Variants in GMDS observed in about 807,000 individuals in gnomAD.
The protein encoded by GMDS is GDP-mannose 4,6-dehydratase, also known as GDP-mannose 4,6 dehydratase.
GMDS carries 20 observed loss-of-function variants against 49.9 expected under a neutral mutation model. The ratio of observed to expected loss-of-function variants is 0.40; its 90% CI spans 0.28 to 0.58. GMDS has a LOEUF of 0.58. Among genes scored for constraint, GMDS ranks in the 20% least tolerant of loss-of-function variants. GMDS has a pLI of 0.42. For missense variants in GMDS, 362 were observed against 481.4 expected, an observed-to-expected ratio of 0.75 and a Z score of 2.32; for synonymous variants, 177 against 178.6, an observed-to-expected ratio of 0.99 and a Z score of 0.07.
intron 4 of GMDS, among the ~76,000 whole-genome samples, chr6:1,998,436 G>A (rs756480515): frequency 6.6e-6 from 1 of 152,072 alleles, no homozygotes; most frequent in Non-Finnish European, 1.5e-5. Flanking sequence ...AAGGGACAGG[G>A]AAGGCAATTC....
chr6:2,241,627 C>T (rs763133548), intron 1 of GMDS, among the ~76,000 whole-genome samples: 5 of 152,068 alleles, frequency 3.3e-5, no homozygotes, highest in East Asian at 1.9e-4. Flanking sequence ...CCGCTAGAGC[C>T]GGTTGTTAAA....
At chr6:2,051,037 A>T (rs1287608900) in intron 4 of GMDS, among the ~76,000 whole-genome samples, 1 of 152,174 alleles carries the variant, frequency 6.6e-6, no homozygotes, top group Admixed American at 6.5e-5. Flanking sequence ...TAACAAACCA[A>T]CATGGCACAT....
At chr6:1,644,229 CT>C (rs1278704731) in intron 9 of GMDS, among the ~76,000 whole-genome samples, 19 of 152,182 alleles carry the variant, frequency 1.2e-4, no homozygotes, top group South Asian at 4.1e-4. Context: ...GGGGAGACCC[CT>C]GATTCCACCC....
chr6:1,638,944 A>G (rs775764516), intron 9 of GMDS, among the ~76,000 whole-genome samples: 2 of 152,186 alleles, frequency 1.3e-5, no homozygotes, highest in Non-Finnish European at 2.9e-5. Flanking sequence ...TGCAGAAAGA[A>G]AGAGACACCT....
chr6:2,116,539 T>G (rs1774859885), intron 3 of GMDS, among the ~76,000 whole-genome samples: 3 of 152,204 alleles, frequency 2.0e-5, no homozygotes. Context: ...TTCTGAACTT[T>G]GCACAAAAAC....
chr6:2,033,737 C>T (rs375825943), intron 4 of GMDS, among the ~76,000 whole-genome samples: 1 of 152,156 alleles, frequency 6.6e-6, no homozygotes, highest in African/African-American at 2.4e-5. Context: ...CGTTCCTAAA[C>T]TAAGTTGCAC....
intron 7 of GMDS, among the ~76,000 whole-genome samples, chr6:1,912,174 T>A (rs142367316): frequency 0.019 from 2,879 of 152,186 alleles, 100 homozygotes; most frequent in African/African-American, 0.065. Context: ...GAGACCAGCC[T>A]GGCCAAAACA....
chr6:2,175,429 AAAGTTACTATGTAAAAACTGTT>A (rs1778231707), intron 1 of GMDS, among the ~76,000 whole-genome samples: 1 of 152,226 alleles, frequency 6.6e-6, no homozygotes, highest in South Asian at 2.1e-4. Flanking sequence ...TTGAGGTAGA[AAAGTTACTATGTAAAAACTGTT>A]AAGCAAAAGA....
intron 6 of GMDS, among the ~76,000 whole-genome samples, chr6:1,934,624 CTTT>C (rs1762437613): frequency 6.6e-6 from 1 of 152,006 alleles, no homozygotes. Context: ...ACACTTTATT[CTTT>C]TTTATTTTAT....
chr6:2,238,224 A>T (rs778826925), intron 1 of GMDS, among the ~76,000 whole-genome samples: 1 of 48,632 alleles, frequency 2.1e-5, no homozygotes. Flanking sequence ...TGTCTCTACA[A>T]AAAAAAAAAA....
intron 4 of GMDS, among the ~76,000 whole-genome samples, chr6:2,058,777 C>T (rs767014624): frequency 2.6e-5 from 4 of 152,160 alleles, no homozygotes; most frequent in African/African-American, 7.2e-5. Flanking sequence ...GAGATCCAGA[C>T]CTTCCGACCT....
intron 7 of GMDS, among the ~76,000 whole-genome samples, chr6:1,758,120 G>A (rs1039804538): frequency 6.6e-5 from 10 of 152,200 alleles, no homozygotes; most frequent in African/African-American, 2.2e-4. Context: ...AGAGGGAGAA[G>A]GAACCTTGCT....
intron 7 of GMDS, among the ~76,000 whole-genome samples, chr6:1,783,030 C>T (rs969196878): frequency 6.6e-6 from 1 of 152,064 alleles, no homozygotes; most frequent in Non-Finnish European, 1.5e-5. Context: ...TAGCATGCAA[C>T]TGTGGTCCCA....
chr6:1,905,371 C>T (rs868107523), intron 7 of GMDS, among the ~76,000 whole-genome samples: 20 of 149,420 alleles, frequency 1.3e-4, no homozygotes, highest in Non-Finnish European at 1.0e-4. Context: ...GTGGGGCCAG[C>T]ACATAGCTGT....
chr6:1,656,568 C>T (rs1763887217), intron 9 of GMDS, among the ~76,000 whole-genome samples: 1 of 152,048 alleles, frequency 6.6e-6, no homozygotes, highest in Admixed American at 6.6e-5. Context: ...TCGAGACCAG[C>T]CTGACCAACA....
At chr6:2,208,943 A>G (rs1212060540) in intron 1 of GMDS, among the ~76,000 whole-genome samples, 1 of 152,018 alleles carries the variant, frequency 6.6e-6, no homozygotes, top group Non-Finnish European at 1.5e-5. Context: ...TGTCCTGTCC[A>G]AGCATAAGAG....
chr6:1,950,195 A>G (rs903128757), intron 6 of GMDS, among the ~76,000 whole-genome samples: 6 of 152,216 alleles, frequency 3.9e-5, no homozygotes, highest in African/African-American at 1.4e-4. Flanking sequence ...CTAAAGCACT[A>G]AAACATCTAT....
At chr6:2,140,989 A>G (rs930651100) in intron 1 of GMDS, among the ~76,000 whole-genome samples, 2 of 152,198 alleles carry the variant, frequency 1.3e-5, no homozygotes, top group Non-Finnish European at 2.9e-5. Flanking sequence ...GACAAACTAA[A>G]GTGGCTTCAC....
intron 1 of GMDS, among the ~76,000 whole-genome samples, chr6:2,209,372 C>G (rs1289502280): frequency 6.6e-6 from 1 of 152,214 alleles, no homozygotes; most frequent in Non-Finnish European, 1.5e-5. Context: ...TTTAAGCAGC[C>G]TCAGCTCAAT....
Sources: allele counts gnomAD v4.1 joint callset (sites outside exome capture counted in the v4.1 genomes callset), GRCh38; gene constraint gnomAD v4.1.1; transcripts MANE v1.5; gene names NCBI Gene and HGNC (gene_info 2026-07-23, HGNC 2026-07-21).